Variants in COL22A1 observed in about 807,000 individuals in gnomAD.
COL22A1 encodes the protein collagen alpha-1(XXII) chain.
Under a neutral mutation model 248.9 loss-of-function variants are expected in COL22A1, and 221 were observed. That is an observed-to-expected ratio of 0.89 (90% CI 0.80 to 0.99). COL22A1 has a LOEUF of 0.99. Ranked by LOEUF, COL22A1 falls within the 50% of genes least tolerant of loss-of-function variation. COL22A1 has a pLI of 0.00. For synonymous variants in COL22A1, 891 were observed against 793.4 expected (o/e 1.12, Z -2.07); for missense variants, 2,240 against 2,179.0 (o/e 1.03, Z -0.56).
chr8:138,599,663 G>A (rs908734184), intron 60 of COL22A1, among the ~76,000 whole-genome samples: 6 of 151,954 alleles, frequency 3.9e-5, no homozygotes, highest in East Asian at 1.9e-4. Context: ...AGTTTGAGAC[G>A]GCAGTGAACT....
At chr8:138,877,687 C>A (rs1348617190) in intron 3 of COL22A1, 63 bp downstream of exon 3, 6 of 1,470,702 alleles carry the variant, frequency 4.1e-6, no homozygotes, top group Middle Eastern at 2.1e-4. Flanking sequence ...GAGGACCCCT[C>A]CCGTGGGCTC....
At chr8:138,724,924 C>A (rs1406281347) in intron 24 of COL22A1, among the ~76,000 whole-genome samples, 1 of 152,212 alleles carries the variant, frequency 6.6e-6, no homozygotes, top group East Asian at 1.9e-4. Flanking sequence ...GAGCTGCCTC[C>A]CTCTGCTGAT....
chr8:138,629,997 T>A (rs374405093), intron 50 of COL22A1, among the ~76,000 whole-genome samples: 16 of 152,312 alleles, frequency 1.1e-4, no homozygotes, highest in African/African-American at 3.8e-4. Flanking sequence ...AACTTACAGG[T>A]CCAAAGTGGG....
chr8:138,750,464 A>G (rs1586647766), intron 22 of COL22A1, among the ~76,000 whole-genome samples: 2 of 152,294 alleles, frequency 1.3e-5, no homozygotes, highest in African/African-American at 4.8e-5. Flanking sequence ...TTCAGAACGG[A>G]GGATGTGAAC....
At chr8:138,858,264 C>A (rs752922773) in intron 3 of COL22A1, among the ~76,000 whole-genome samples, 1 of 152,074 alleles carries the variant, frequency 6.6e-6, no homozygotes, top group Non-Finnish European at 1.5e-5. Context: ...GGGAAGTGGG[C>A]GAGAGAAAGT....
intron 39 of COL22A1, among the ~76,000 whole-genome samples, chr8:138,683,675 G>A (rs1281811322): frequency 6.6e-6 from 1 of 152,140 alleles, no homozygotes; most frequent in East Asian, 1.9e-4. Flanking sequence ...ACTAAAGGAT[G>A]GAAGAGCCAT....
At chr8:138,697,552 C>T (rs530917482) in intron 32 of COL22A1, among the ~76,000 whole-genome samples, 4 of 152,318 alleles carry the variant, frequency 2.6e-5, no homozygotes, top group African/African-American at 9.6e-5. Context: ...CTGTCCTCTG[C>T]AAACCACCAG....
At chr8:138,835,418 G>A in intron 4 of COL22A1, among the ~76,000 whole-genome samples, 1 of 152,226 alleles carries the variant, frequency 6.6e-6, no homozygotes, top group Non-Finnish European at 1.5e-5. Context: ...GAGACGGTTG[G>A]TTTGTGGGAG....
At chr8:138,617,059 C>T in intron 53 of COL22A1, 101 bp from the exon 54 acceptor site, 1 of 1,250,984 alleles carries the variant, frequency 8.0e-7, no homozygotes, top group South Asian at 1.2e-5. Context: ...GTTGCCCCCG[C>T]TCATTCTTTA....
chr8:138,775,738 C>G (rs775184660), intron 16 of COL22A1, among the ~76,000 whole-genome samples: 4 of 152,202 alleles, frequency 2.6e-5, no homozygotes, highest in Non-Finnish European at 4.4e-5. Flanking sequence ...AGACCACAGC[C>G]TTCCCAGCAC....
intron 11 of COL22A1, among the ~76,000 whole-genome samples, chr8:138,802,585 C>T (rs570723751): frequency 6.6e-6 from 1 of 152,114 alleles, no homozygotes; most frequent in East Asian, 1.9e-4. Context: ...AGGAAGGGCA[C>T]AACAAAATGA....
chr8:138,829,403 GTTTTTTTTT>G (rs765618552), intron 5 of COL22A1, among the ~76,000 whole-genome samples: 1 of 90,640 alleles, frequency 1.1e-5, no homozygotes, highest in East Asian at 3.8e-4. Flanking sequence ...TTCCTTTCCT[GTTTTTTTTT>G]TTTTTTTTTT....
intron 16 of COL22A1, 102 bp downstream of exon 16, chr8:138,775,864 G>A: frequency 3.6e-6 from 4 of 1,122,536 alleles, no homozygotes; most frequent in South Asian, 1.2e-5. Context: ...ACACACAAAT[G>A]TGTACACACA....
chr8:138,747,648 A>G (rs1832233634), intron 22 of COL22A1, among the ~76,000 whole-genome samples: 1 of 152,178 alleles, frequency 6.6e-6, no homozygotes, highest in African/African-American at 2.4e-5. Flanking sequence ...ACCTGCTTAC[A>G]TGCTATTTCA....
chr8:138,621,001 C>A (rs62530044), intron 52 of COL22A1, among the ~76,000 whole-genome samples: 1,758 of 145,978 alleles, frequency 0.012, 22 homozygotes, highest in Middle Eastern at 0.027. Context: ...ATCCACCCAT[C>A]CATCCATCCA....
At chr8:138,813,878 C>T (rs1818461637) in intron 7 of COL22A1, among the ~76,000 whole-genome samples, 1 of 152,232 alleles carries the variant, frequency 6.6e-6, no homozygotes, top group African/African-American at 2.4e-5. Context: ...TTCCACATAT[C>T]CCTATTTTCA....
At chr8:138,871,568 C>T (rs1327331541) in intron 3 of COL22A1, among the ~76,000 whole-genome samples, 1 of 152,206 alleles carries the variant, frequency 6.6e-6, no homozygotes, top group African/African-American at 2.4e-5. Context: ...ATGGACTGCC[C>T]ATCTCCTTTC....
At chr8:138,715,601 A>G in intron 30 of COL22A1, 81 bp downstream of exon 30, 1 of 871,142 alleles carries the variant, frequency 1.1e-6, no homozygotes, top group Non-Finnish European at 1.8e-6. Flanking sequence ...AAGATAGAGT[A>G]TATTCTGCAG....
intron 4 of COL22A1, among the ~76,000 whole-genome samples, chr8:138,839,927 G>C (rs1480973452): frequency 6.6e-6 from 1 of 152,172 alleles, no homozygotes; most frequent in Non-Finnish European, 1.5e-5. Context: ...ATATAGGTGA[G>C]GAAACTGAGG....
Sources: gnomAD v4.1 joint callset for allele counts (sites outside exome capture counted in the v4.1 genomes callset) on GRCh38, gnomAD v4.1.1 for gene constraint, MANE v1.5 for transcripts, NCBI Gene and HGNC (gene_info 2026-07-23, HGNC 2026-07-21) for gene names.